The following GMDS variants were observed in gnomAD, a reference collection of about 807,000 sequenced individuals.
GMDS encodes the protein GDP-mannose 4,6-dehydratase, also known as GDP-mannose 4,6 dehydratase.
GMDS carries 20 observed loss-of-function variants against 49.9 expected under a neutral mutation model. That is an observed-to-expected ratio of 0.40 (90% CI 0.28 to 0.58). The LOEUF is 0.58. GMDS is among the 20% of genes least tolerant of loss of function. The pLI, the probability that GMDS is intolerant of heterozygous loss-of-function variation, is 0.42. For synonymous variants in GMDS, 177 were observed against 178.6 expected (o/e 0.99, Z 0.07); for missense variants, 362 against 481.4 (o/e 0.75, Z 2.32).
At chr6:1,968,524 C>T (rs2628456) in intron 4 of GMDS, among the ~76,000 whole-genome samples, 1 of 151,902 alleles carries the variant, frequency 6.6e-6, no homozygotes, top group African/African-American at 2.4e-5. Context: ...TCCCCTCTTG[C>T]GGGGTTTACA....
At chr6:2,188,094 C>G (rs1457272713) in intron 1 of GMDS, among the ~76,000 whole-genome samples, 5 of 152,208 alleles carry the variant, frequency 3.3e-5, no homozygotes, top group Admixed American at 2.6e-4. Flanking sequence ...TCAATTCAGG[C>G]TGACAACCTG....
At chr6:1,736,736 G>C (rs1767013957) in intron 8 of GMDS, among the ~76,000 whole-genome samples, 1 of 152,210 alleles carries the variant, frequency 6.6e-6, no homozygotes, top group Non-Finnish European at 1.5e-5. Context: ...ATAATACAGA[G>C]CTGCAGTGAG....
chr6:2,059,850 C>T (rs989572289), intron 4 of GMDS, among the ~76,000 whole-genome samples: 1 of 151,406 alleles, frequency 6.6e-6, no homozygotes, highest in African/African-American at 2.4e-5. Context: ...GACACTGGCC[C>T]CCAAAAATTT....
At chr6:1,940,258 A>G (rs1027321188) in intron 6 of GMDS, among the ~76,000 whole-genome samples, 2 of 152,246 alleles carry the variant, frequency 1.3e-5, no homozygotes, top group African/African-American at 2.4e-5. Flanking sequence ...AATTTGTCTA[A>G]TAAAAATTCT....
At chr6:1,861,464 G>A (rs1202972921) in intron 7 of GMDS, among the ~76,000 whole-genome samples, 1 of 152,048 alleles carries the variant, frequency 6.6e-6, no homozygotes, top group Non-Finnish European at 1.5e-5. Flanking sequence ...TAGGCATCTT[G>A]GAAACTACAT....
intron 2 of GMDS, among the ~76,000 whole-genome samples, chr6:2,120,691 G>T (rs1311505214): frequency 6.6e-6 from 1 of 151,390 alleles, no homozygotes; most frequent in Non-Finnish European, 1.5e-5. Context: ...AAGTGTGTTG[G>T]TTTATCTGCT....
At chr6:1,627,723 T>C (rs922647767) in intron 9 of GMDS, among the ~76,000 whole-genome samples, 18 of 152,232 alleles carry the variant, frequency 1.2e-4, no homozygotes, top group African/African-American at 3.6e-4. Flanking sequence ...GATGATTTTA[T>C]GTACAGCTTC....
At chr6:1,733,792 C>T (rs1014178960) in intron 8 of GMDS, among the ~76,000 whole-genome samples, 7 of 151,436 alleles carry the variant, frequency 4.6e-5, no homozygotes, top group South Asian at 4.2e-4. Context: ...GCAGAGGTTG[C>T]GGTGAGCCGA....
At chr6:2,138,036 A>C (rs1002061118) in intron 1 of GMDS, among the ~76,000 whole-genome samples, 2 of 152,202 alleles carry the variant, frequency 1.3e-5, no homozygotes, top group African/African-American at 4.8e-5. Context: ...ACTGTAATAG[A>C]AATTAATTTT....
intron 1 of GMDS, among the ~76,000 whole-genome samples, chr6:2,137,362 T>C (rs979254438): frequency 5.3e-5 from 8 of 151,632 alleles, no homozygotes; most frequent in Non-Finnish European, 1.2e-4. Context: ...GGATGGAGTT[T>C]TGCTCTTGTT....
chr6:1,743,409 G>A lies in GMDS; in HGVS notation c.772-823C>T, dbSNP rs1429359162. Among the ~76,000 whole-genome samples the A allele has an allele frequency of 6.0e-5, 9 of 150,734 alleles. 1 individual carries two copies. Among genetic ancestry groups the A allele is most frequent in the Middle Eastern group, 6.5e-3 (2 of 310 alleles). On this transcript the variant is annotated intron_variant, in intron 7 of 10. Transcript: ENST00000380815. ...ACAAAAAAAATTAGCCGGGCGTGGT[G>A]GGGGGCGCCTGTAGTCCCAGCTACT... is the stretch of plus-strand genomic sequence containing the variant.
chr6:1,915,520 G>A (rs1015575104), intron 7 of GMDS, among the ~76,000 whole-genome samples: 5 of 152,232 alleles, frequency 3.3e-5, no homozygotes, highest in East Asian at 3.8e-4. Context: ...GCCCAAGGCC[G>A]AGAATGCATG....
chr6:1,924,688 A>G (rs1339803405), intron 7 of GMDS, among the ~76,000 whole-genome samples: 1 of 152,230 alleles, frequency 6.6e-6, no homozygotes, highest in Non-Finnish European at 1.5e-5. Flanking sequence ...TTGAATGAAC[A>G]GTGCCACCCT....
At chr6:2,005,356 CA>C in intron 4 of GMDS, among the ~76,000 whole-genome samples, 1 of 152,248 alleles carries the variant, frequency 6.6e-6, no homozygotes, top group East Asian at 1.9e-4. Context: ...GCATAATGGC[CA>C]TTTACCCCTC....
chr6:1,789,775 T>A (rs772111956), intron 7 of GMDS, among the ~76,000 whole-genome samples: 1 of 152,154 alleles, frequency 6.6e-6, no homozygotes, highest in Admixed American at 6.5e-5. Context: ...CCTGGGTTCA[T>A]GTGGTCCTTC....
chr6:1,804,040 A>C (rs1770062812), intron 7 of GMDS, among the ~76,000 whole-genome samples: 1 of 152,194 alleles, frequency 6.6e-6, no homozygotes, highest in Admixed American at 6.5e-5. Flanking sequence ...GAGAAGGTAA[A>C]ACTTGGCTGT....
chr6:1,787,284 G>C (rs1446785944), intron 7 of GMDS, among the ~76,000 whole-genome samples: 1 of 152,168 alleles, frequency 6.6e-6, no homozygotes, highest in Non-Finnish European at 1.5e-5. Context: ...AAAGTATAAA[G>C]GACCAGCTAG....
At chr6:2,038,058 TG>T (rs922038623) in intron 4 of GMDS, among the ~76,000 whole-genome samples, 5 of 152,112 alleles carry the variant, frequency 3.3e-5, no homozygotes, top group East Asian at 1.9e-4. Flanking sequence ...TAAAGAGGGT[TG>T]GGGGGGAGGT....
chr6:1,975,709 G>A (rs956117161), intron 4 of GMDS, among the ~76,000 whole-genome samples: 3 of 152,196 alleles, frequency 2.0e-5, no homozygotes, highest in Admixed American at 2.0e-4. Context: ...CTTGAAAAAT[G>A]GGAAGAACAT....
Sources: allele counts gnomAD v4.1 joint callset (sites outside exome capture counted in the v4.1 genomes callset), GRCh38; gene constraint gnomAD v4.1.1; transcripts MANE v1.5; gene names NCBI Gene and HGNC (gene_info 2026-07-23, HGNC 2026-07-21).